Variants in EGR3 observed in about 807,000 individuals in gnomAD.
EGR3 encodes early growth response 3, also known as early growth response protein 3.
A neutral mutation model predicts 22.4 loss-of-function variants in EGR3; 4 were observed. That is an observed-to-expected ratio of 0.18 (90% confidence interval 0.09 to 0.41). The LOEUF is 0.41. Among genes scored for constraint, EGR3 ranks in the 10% least tolerant of loss-of-function variants. EGR3 has a pLI of 1.00. For synonymous variants in EGR3, 219 were observed against 226.8 expected, an observed-to-expected ratio of 0.97 and a Z score of 0.31; for missense variants, 315 against 541.3, an observed-to-expected ratio of 0.58 and a Z score of 4.15.
chr8:22,692,013 C>T lies in EGR3; in HGVS notation c.155-531G>A. 3 of 1,297,366 alleles carry T rather than the reference C, an allele frequency of 2.3e-6. No individual in the cohort carries two copies. Among genetic ancestry groups the T allele is most frequent in the Admixed American group, 3.8e-5 (1 of 26,560 alleles). 80.4% of individuals were successfully genotyped at this position (1,297,366 alleles called of 1,614,324 possible). On this transcript the variant is annotated intron_variant, in intron 1 of 1. Transcript: ENST00000317216. The surrounding 1 kb of genome is among the most constrained non-coding windows in gnomAD (Gnocchi z 6.2). ...TCGGAGCGTAGAAGGGTGTCGCCCT[C>T]AAAGGGAGCTCTCCCTTCACCTACC...
In EGR3 at chr8:22,690,464, G is replaced by A; in HGVS notation, c.*9C>T. The A allele has an allele frequency of 1.3e-6, 2 of 1,588,890 alleles. No homozygotes were observed. Among genetic ancestry groups the A allele is most frequent in the Non-Finnish European group, 1.7e-6 (2 of 1,164,984 alleles). On this transcript the variant is annotated 3_prime_UTR_variant, in exon 2 of 2. Transcript: ENST00000317216. ...GGAGGGGAAAAGTGGGGATCTGGGG[G>A]CCCGATCCTCAGGCGCAGGTGGTGA...
rs775699693 is a variant in EGR3, at chr8:22,690,433, G to A, written c.*40C>T. On this transcript the variant is annotated 3_prime_UTR_variant, in exon 2 of 2. Transcript: ENST00000317216. ...GCTGCTTTCAGGCTAGCAGCCGGGA[G>A]GCACTGGAGGGGAAAAGTGGGGATC... 3.9e-6 allele frequency: 6 copies of A among 1,528,410 alleles called. No homozygotes were observed. The African/African-American group carries it at 8.2e-5, about 21-fold the overall frequency. The allele number at this position is 1,528,410 out of a possible 1,614,324, so 94.7% of individuals were successfully genotyped here. A position where few individuals can be genotyped will look rare whatever the true frequency, so the allele number is the denominator to read the frequency against.
chr8:22,692,084 G>A lies in EGR3; in HGVS notation c.155-602C>T, dbSNP rs1803988472. ...CATGAAGGAGCTTTAGGCTCTTGCT[G>A]GAGGGGAAAATCCTAGCCCCAGCTA... On this transcript the variant is annotated intron_variant, in intron 1 of 1. Transcript: ENST00000317216. This position sits in a 1 kb window ranked among gnomAD's most constrained non-coding sequence, Gnocchi z 6.2. 1 of 1,348,174 alleles carries A rather than the reference G, an allele frequency of 7.4e-7. No individual in the cohort carries two copies. Among genetic ancestry groups the A allele is most frequent in the African/African-American group, 1.5e-5 (1 of 65,314 alleles). The allele number at this position is 1,348,174 out of a possible 1,614,324, so 83.5% of individuals were successfully genotyped here.
rs1293727661 is a variant in EGR3, at chr8:22,692,850, G to C, written c.95C>G (p.Ala32Gly). 1 of 1,613,444 alleles carries C rather than the reference G, an allele frequency of 6.2e-7. No homozygotes were observed. Among genetic ancestry groups the C allele is most frequent in the Non-Finnish European group, 8.5e-7 (1 of 1,179,854 alleles). Residue 32 changes from alanine to glycine, a missense_variant, in exon 1 of 2, where the codon GCG becomes GGG. Transcript: ENST00000317216. The surrounding 1 kb of genome is among the most constrained non-coding windows in gnomAD (Gnocchi z 6.2). ...GCTGCTGCCGGAGAAGAGGTTGAGC[G>C]CGCTGGGGATCTCCTCGGGGTACAG... ...DNLYPEEIPS[A>G]LNLFSGSSDS...
rs560246514 is a variant in EGR3, at chr8:22,690,411, G to A, written c.*62C>T. 2 of 1,405,476 alleles carry A rather than the reference G, an allele frequency of 1.4e-6. No individual in the cohort carries two copies. Among genetic ancestry groups the A allele is most frequent in the East Asian group, 2.4e-5 (1 of 42,132 alleles). 87.1% of individuals were successfully genotyped at this position (1,405,476 alleles called of 1,614,324 possible). On this transcript the variant is annotated 3_prime_UTR_variant, in exon 2 of 2. Transcript: ENST00000317216. ...CGCCTCCGTGGCTGGCTTTCCCGCT[G>A]CTTTCAGGCTAGCAGCCGGGAGGCA... is the stretch of plus-strand genomic sequence containing the variant.
At position 22,691,514 on chromosome 8, in the gene EGR3, G is replaced by C. The variant is rs773559113; in HGVS notation, c.155-32C>G. The C allele has an allele frequency of 1.2e-5, 19 of 1,602,134 alleles. No individual in the cohort carries two copies. In the African/African-American group the frequency reaches 2.4e-4, roughly 20 times the overall value. ...AGAGCGGGGGAGAGAGGGGAGGGGT[G>C]AGTGAAGCCGATCCGGCTCCGGGCC... is the stretch of plus-strand genomic sequence containing the variant. On this transcript the variant is annotated intron_variant, in intron 1 of 1. Transcript: ENST00000317216.
rs1392185010 is a variant in EGR3, at chr8:22,689,114, A to T, written c.*1359T>A. 5 of 152,672 alleles carry T rather than the reference A, an allele frequency of 3.3e-5. No homozygotes were observed. The highest frequency in any genetic ancestry group is 1.2e-4 in the African/African-American group (5 of 41,470). 9.5% of individuals were successfully genotyped at this position (152,672 alleles called of 1,614,324 possible). A position where few individuals can be genotyped will look rare whatever the true frequency, so the allele number is the denominator to read the frequency against. ...AACACACGTATGTAGATATAATCTC[A>T]TCAGTTAACATTTTCATAAAAAATA... On this transcript the variant is annotated 3_prime_UTR_variant, in exon 2 of 2. Transcript: ENST00000317216.
chr8:22,692,487 G>A lies in EGR3; in HGVS notation c.154+304C>T, dbSNP rs1226696364. 21 of 1,427,818 alleles carry A rather than the reference G, an allele frequency of 1.5e-5. No homozygotes were observed. The East Asian group carries it at 4.0e-4, about 28-fold the overall frequency. The allele number at this position is 1,427,818 out of a possible 1,614,324, so 88.4% of individuals were successfully genotyped here. On this transcript the variant is annotated intron_variant, in intron 1 of 1. Transcript: ENST00000317216. This position sits in a 1 kb window ranked among gnomAD's most constrained non-coding sequence, Gnocchi z 6.2. ...CGTGGTGAGGGAGAACCCCAGAGCCGCTCGCACCTACCTCCCTCCGGTCGG... is the reference window on the plus strand; with the variant it reads ...CGTGGTGAGGGAGAACCCCAGAGCCACTCGCACCTACCTCCCTCCGGTCGG...
In EGR3 at chr8:22,688,006, A is replaced by G. The variant is rs973928016; in HGVS notation, c.*2467T>C. ...ATTACATCTGGTTTGTCTTTTTTCT[A>G]AGTACTCAACTTTATACAAAAGTCT... is the stretch of plus-strand genomic sequence containing the variant. On this transcript the variant is annotated 3_prime_UTR_variant, in exon 2 of 2. Coordinates refer to ENST00000317216, the MANE Select transcript of EGR3 (RefSeq NM_004430.3). 2.0e-5 allele frequency: 3 copies of G among 152,644 alleles called. No homozygotes were observed. Among genetic ancestry groups the G allele is most frequent in the African/African-American group, 7.2e-5 (3 of 41,462 alleles). 9.5% of individuals were successfully genotyped at this position (152,644 alleles called of 1,614,324 possible).
At position 22,690,883 on chromosome 8, in the gene EGR3, T is replaced by C. The variant is rs201330520; in HGVS notation, c.754A>G (p.Thr252Ala). 1 of 1,586,302 alleles carries C rather than the reference T, an allele frequency of 6.3e-7. No homozygotes were observed. The highest frequency in any genetic ancestry group is 8.6e-7 in the Non-Finnish European group (1 of 1,163,964). ...TTGCGGGGCCGGATGGGCTTGAGGG[T>C]GAGCGGCGGCTGGGGCAGGCTGCCA... is the stretch of plus-strand genomic sequence containing the variant. ...GFGSLPQPPL[T>A]LKPIRPRKYP... The change falls in exon 2 of 2, where the codon ACC becomes GCC. Residue 252 changes from threonine to alanine, a missense_variant. Transcript: ENST00000317216.
At position 22,689,203 on chromosome 8, in the gene EGR3, A is replaced by G. The variant is rs899223158; in HGVS notation, c.*1270T>C. On this transcript the variant is annotated 3_prime_UTR_variant, in exon 2 of 2. Coordinates refer to ENST00000317216, the MANE Select transcript of EGR3 (RefSeq NM_004430.3). ...TTCCGGTGCACTGCACTGGATAACC[A>G]AGTACCTTAGAGATTTTATTTTGCT... The G allele has an allele frequency of 6.6e-6, 1 of 152,554 alleles. No individual in the cohort carries two copies. The highest frequency in any genetic ancestry group is 2.4e-5 in the African/African-American group (1 of 41,446). The allele number at this position is 152,554 out of a possible 1,614,324, so 9.5% of individuals were successfully genotyped here.
chr8:22,692,497 A>AACG lies in EGR3; in HGVS notation c.154+293_154+294insCGT. On this transcript the variant is annotated intron_variant, in intron 1 of 1. Transcript: ENST00000317216. The surrounding 1 kb of genome is among the most constrained non-coding windows in gnomAD (Gnocchi z 6.2). Reference sequence around the variant, plus strand: ...GAGAACCCCAGAGCCGCTCGCACCTACCTCCCTCCGGTCGGCGGCTGCCCC... The same window carrying AACG: ...GAGAACCCCAGAGCCGCTCGCACCTAACGCCTCCCTCCGGTCGGCGGCTGCCCC... 7.0e-7 allele frequency: 1 copy of AACG among 1,421,912 alleles called. No individual in the cohort carries two copies. The highest frequency in any genetic ancestry group is 2.6e-5 in the East Asian group (1 of 39,180). 88.1% of individuals were successfully genotyped at this position (1,421,912 alleles called of 1,614,324 possible). A position where few individuals can be genotyped will look rare whatever the true frequency, so the allele number is the denominator to read the frequency against.
Position 22,692,698 on chromosome 8 carries a change from C to CG in EGR3, c.154+92_154+93insC, listed in dbSNP as rs1804012572. 1.3e-6 allele frequency: 2 copies of CG among 1,512,080 alleles called. No homozygotes were observed. Among genetic ancestry groups the CG allele is most frequent in the South Asian group, 2.4e-5 (2 of 83,572 alleles). The allele number at this position is 1,512,080 out of a possible 1,614,324, so 93.7% of individuals were successfully genotyped here. A position where few individuals can be genotyped will look rare whatever the true frequency, so the allele number is the denominator to read the frequency against. ...CCACCCATCCATCCATCCATCCATC[C>CG]ATCCATCCATCCATCCATCACCAGG... On this transcript the variant is annotated intron_variant, in intron 1 of 1. Transcript: ENST00000317216. This position sits in a 1 kb window ranked among gnomAD's most constrained non-coding sequence, Gnocchi z 6.2.
chr8:22,692,413 A>C lies in EGR3; in HGVS notation c.154+378T>G, dbSNP rs1178220672. On this transcript the variant is annotated intron_variant, in intron 1 of 1. Transcript: ENST00000317216. This position sits in a 1 kb window ranked among gnomAD's most constrained non-coding sequence, Gnocchi z 6.2. ...AAGACGCCGGGCTCCTCCCGGGAAG[A>C]GGGCGACAGCACCACGCCTTGCGCG... 7.6e-6 allele frequency: 11 copies of C among 1,438,284 alleles called. No homozygotes were observed. The highest frequency in any genetic ancestry group is 1.0e-5 in the Non-Finnish European group (11 of 1,101,318). 89.1% of individuals were successfully genotyped at this position (1,438,284 alleles called of 1,614,324 possible). A position where few individuals can be genotyped will look rare whatever the true frequency, so the allele number is the denominator to read the frequency against.
rs978409536 is a variant in EGR3, at chr8:22,690,725, G to A, written c.912C>T (p.Pro304=). The A allele has an allele frequency of 6.2e-7, 1 of 1,614,076 alleles. No homozygotes were observed. Among genetic ancestry groups the A allele is most frequent in the South Asian group, 1.1e-5 (1 of 91,076 alleles). The change falls in exon 2 of 2, where the codon CCC becomes CCT. Residue 304 remains proline, a synonymous_variant. Transcript: ENST00000317216. The part of the protein sequence containing the change: ...RHLRIHTGHK[P]FQCRICMRSF... ...TCCGCATGCAGATCCGGCACTGGAA[G>A]GGCTTGTGGCCCGTGTGGATGCGCA...
In EGR3 at chr8:22,692,958, TGCCGCCGCCGCCGCCACCGCC is replaced by T; in HGVS notation, c.-35_-15del. The T allele has an allele frequency of 1.3e-6, 2 of 1,599,094 alleles. No individual in the cohort carries two copies. Among genetic ancestry groups the T allele is most frequent in the Non-Finnish European group, 1.7e-6 (2 of 1,175,132 alleles). ...TTTGCCGGTCATAGCACTCCCGAGC[TGCCGCCGCCGCCGCCACCGCC>T]GCCACCGCCGCCGCTCGCTCCTAAC... On this transcript the variant is annotated 5_prime_UTR_variant, in exon 1 of 2. Coordinates refer to ENST00000317216, the MANE Select transcript of EGR3 (RefSeq NM_004430.3). This position sits in a 1 kb window ranked among gnomAD's most constrained non-coding sequence, Gnocchi z 6.2.
In EGR3 at chr8:22,693,153, G is replaced by A; in HGVS notation, c.-209C>T. On this transcript the variant is annotated 5_prime_UTR_variant, in exon 1 of 2. Coordinates refer to ENST00000317216, the MANE Select transcript of EGR3 (RefSeq NM_004430.3). ...TCTCTTTTTTGGGGGGCGGGAGAGG[G>A]CCCCAGGGGGTAATCCTCTTGGGTG... 2 of 671,678 alleles carry A rather than the reference G, an allele frequency of 3.0e-6. No individual in the cohort carries two copies. The highest frequency in any genetic ancestry group is 4.4e-6 in the Non-Finnish European group (2 of 451,444). 41.6% of individuals were successfully genotyped at this position (671,678 alleles called of 1,614,324 possible).
chr8:22,690,311 A>G lies in EGR3; in HGVS notation c.*162T>C, dbSNP rs983595495. On this transcript the variant is annotated 3_prime_UTR_variant, in exon 2 of 2. Transcript: ENST00000317216. The stretch of plus-strand genomic sequence containing the variant: ...GGCCCCTGACCGCTGGCCGGCGTGA[A>G]AGGTTGGGAACCGGGGGCATCGAAG... The G allele has an allele frequency of 3.1e-5, 20 of 638,846 alleles. No individual in the cohort carries two copies. In the East Asian group the frequency reaches 5.6e-4, roughly 18 times the overall value. The allele number at this position is 638,846 out of a possible 1,614,324, so 39.6% of individuals were successfully genotyped here. A position where few individuals can be genotyped will look rare whatever the true frequency, so the allele number is the denominator to read the frequency against.
Position 22,692,633 on chromosome 8 carries a change from G to A in EGR3, c.154+158C>T. The A allele has an allele frequency of 7.0e-7, 1 of 1,432,010 alleles. No homozygotes were observed. The highest frequency in any genetic ancestry group is 9.2e-7 in the Non-Finnish European group (1 of 1,089,906). 88.7% of individuals were successfully genotyped at this position (1,432,010 alleles called of 1,614,324 possible). On this transcript the variant is annotated intron_variant, in intron 1 of 1. Coordinates refer to ENST00000317216, the MANE Select transcript of EGR3 (RefSeq NM_004430.3). This position sits in a 1 kb window ranked among gnomAD's most constrained non-coding sequence, Gnocchi z 6.2. ...CAACTCGCCCCCCGCAAAATTCCCA[G>A]CGCGCCCCCATCTCTCCATCCATTT... is the stretch of plus-strand genomic sequence containing the variant.
Sources: gnomAD v4.1 joint callset for allele counts on GRCh38, gnomAD v4.1.1 for gene constraint, Gnocchi (gnomAD v3.1) non-coding constraint, MANE v1.5 for transcripts, NCBI Gene and HGNC (gene_info 2026-07-23, HGNC 2026-07-21) for gene names.